The following SLC24A1 variants were observed in gnomAD, a reference collection of about 807,000 sequenced individuals.
SLC24A1 encodes the protein sodium/potassium/calcium exchanger 1.
SLC24A1 carries 52 observed loss-of-function variants against 88.1 expected under a neutral mutation model. The ratio of observed to expected loss-of-function variants is 0.59; its 90% CI spans 0.47 to 0.74. The LOEUF is 0.74. SLC24A1 is among the 30% of genes least tolerant of loss of function. The pLI is 0.00. For missense variants in SLC24A1, 1,173 were observed against 1,363.3 expected (o/e 0.86, Z 2.20); for synonymous variants, 455 against 498.0 (o/e 0.91, Z 1.15).
chr15:65,626,301 G>A (rs1422663248), intron 2 of SLC24A1, among the ~76,000 whole-genome samples: 1 of 152,222 alleles, frequency 6.6e-6, no homozygotes, highest in Non-Finnish European at 1.5e-5. Context: ...ATTTGAACTT[G>A]GGTTGGTGCG....
At position 65,650,849 on chromosome 15, in the gene SLC24A1, C is replaced by G; in HGVS notation, c.2700C>G (p.Asp900Glu). Residue 900 changes from aspartate (D) to glutamate (E), a missense_variant, in exon 7 of 10, where the codon GAC becomes GAG. Physicochemically the swap from Asp to Glu is conservative, Grantham distance 45 (BLOSUM62 2). Transcript: ENST00000261892. The surrounding 1 kb of genome is among the most constrained non-coding windows in gnomAD (Gnocchi z 4.1). ...GAAATGAAGAGCCTCTGTCCCTGGA[C>G]TGGCCTGAAACCAGGCAGAAGCAGG... ...EKGNEEPLSL[D>E]WPETRQKQAI... The G allele has an allele frequency of 6.2e-7, 1 of 1,613,884 alleles. No homozygotes were observed. The highest frequency in any genetic ancestry group is 8.5e-7 in the Non-Finnish European group (1 of 1,179,856).
At chr15:65,649,969 C>T (rs1462648389) in intron 6 of SLC24A1, among the ~76,000 whole-genome samples, 1 of 152,308 alleles carries the variant, frequency 6.6e-6, no homozygotes, top group East Asian at 1.9e-4. Flanking sequence ...AGGGAGGAGG[C>T]TCTAGGCCAT....
Position 65,654,822 on chromosome 15 carries a change from C to A in SLC24A1, c.*743C>A. 1 of 1,050,974 alleles carries A rather than the reference C, an allele frequency of 9.5e-7. No individual in the cohort carries two copies. Among genetic ancestry groups the A allele is most frequent in the Non-Finnish European group, 1.3e-6 (1 of 795,878 alleles). 65.1% of individuals were successfully genotyped at this position (1,050,974 alleles called of 1,614,324 possible). A position where few individuals can be genotyped will look rare whatever the true frequency, so the allele number is the denominator to read the frequency against. On this transcript the variant is annotated 3_prime_UTR_variant, in exon 10 of 10. Coordinates refer to ENST00000261892, the MANE Select transcript of SLC24A1 (RefSeq NM_004727.3). ...CCCGGTTCAAGCAATTCTCCTGCCT[C>A]AGCCTGAAGTCGTGATCTGCCCGCC...
downstream of SLC24A1, chr15:65,659,338 T>G (rs1308785020): frequency 2.2e-4 from 29 of 133,906 alleles, no homozygotes; most frequent in Middle Eastern, 3.3e-3. Flanking sequence ...TTTTTTTTTT[T>G]TTTTTTTTTT....
chr15:65,637,472 G>C (rs1168751773), intron 2 of SLC24A1, among the ~76,000 whole-genome samples: 2 of 152,176 alleles, frequency 1.3e-5, no homozygotes, highest in Admixed American at 1.3e-4. Context: ...GAATGGAGAT[G>C]GCATTTTAGG....
At chr15:65,636,889 A>G (rs1596325396) in intron 2 of SLC24A1, among the ~76,000 whole-genome samples, 1 of 149,868 alleles carries the variant, frequency 6.7e-6, no homozygotes. Context: ...AATAATAATA[A>G]TAATAGTAAT....
At position 65,625,191 on chromosome 15, in the gene SLC24A1, C is replaced by A. The variant is rs747598530; in HGVS notation, c.1111C>A (p.Pro371Thr). 1.2e-6 allele frequency: 2 copies of A among 1,613,918 alleles called. No homozygotes were observed. The highest frequency in any genetic ancestry group is 1.7e-6 in the Non-Finnish European group (2 of 1,179,882). ...PAIVWRLAKK[P>T]STAPSTSTTP... Reference sequence around the variant, plus strand: ...CATAGTCTGGAGGCTGGCAAAGAAACCTTCCACAGCACCCAGCACCTCAAC... The same window carrying A: ...CATAGTCTGGAGGCTGGCAAAGAAAACTTCCACAGCACCCAGCACCTCAAC... Residue 371 changes from proline to threonine, a missense_variant, in exon 2 of 10, where the codon CCT becomes ACT. Coordinates refer to ENST00000261892, the MANE Select transcript of SLC24A1 (RefSeq NM_004727.3).
intron 7 of SLC24A1, among the ~76,000 whole-genome samples, 182 bp downstream of exon 7, chr15:65,651,124 TACCA>T (rs2075489977): frequency 3.9e-5 from 6 of 152,088 alleles, no homozygotes; most frequent in Non-Finnish European, 7.4e-5. Context: ...TTAGGGGACA[TACCA>T]CTGGGACTGG....
chr15:65,658,348 T>C (rs1326487664), downstream of SLC24A1: 1 of 152,218 alleles, frequency 6.6e-6, no homozygotes, highest in East Asian at 1.9e-4. Flanking sequence ...ATGCTAACTT[T>C]AGCACGAAGG....
chr15:65,612,425 C>T (rs369522132), intron 1 of SLC24A1: 2 of 152,358 alleles, frequency 1.3e-5, no homozygotes, highest in African/African-American at 4.8e-5. Context: ...TCTGACTTCT[C>T]ACAGCTTGTT....
chr15:65,618,545 T>C (rs1053695161), upstream of SLC24A1, among the ~76,000 whole-genome samples: 1 of 152,218 alleles, frequency 6.6e-6, no homozygotes, highest in African/African-American at 2.4e-5. Context: ...GGGAAGCCAC[T>C]GGAAATTCTG....
Position 65,624,077 on chromosome 15 carries a change from C to T in SLC24A1, c.-4C>T. ...CCTTCTGTAACCAGATATAACTGGC[C>T]AGCATGGGGAAATTGATCAGGATGG... On this transcript the variant is annotated 5_prime_UTR_variant, in exon 2 of 10. Transcript: ENST00000261892. The T allele has an allele frequency of 1.3e-6, 2 of 1,572,550 alleles. No individual in the cohort carries two copies. The highest frequency in any genetic ancestry group is 1.2e-5 in the South Asian group (1 of 83,110).
Position 65,654,223 on chromosome 15 carries a change from G to A in SLC24A1, c.*144G>A, listed in dbSNP as rs541291534. ...GACCTCTGATATGAATGTGATCTGA[G>A]ACTAAAGTTTGTCCTTGGAAACACC... On this transcript the variant is annotated 3_prime_UTR_variant, in exon 10 of 10. Coordinates refer to ENST00000261892, the MANE Select transcript of SLC24A1 (RefSeq NM_004727.3). 9.0e-6 allele frequency: 13 copies of A among 1,438,024 alleles called. No individual in the cohort carries two copies. The South Asian group carries it at 1.9e-4, about 21-fold the overall frequency. The allele number at this position is 1,438,024 out of a possible 1,614,324, so 89.1% of individuals were successfully genotyped here. A position where few individuals can be genotyped will look rare whatever the true frequency, so the allele number is the denominator to read the frequency against.
At chr15:65,649,756 A>G (rs145222504) in intron 6 of SLC24A1, among the ~76,000 whole-genome samples, 2,465 of 152,346 alleles carry the variant, frequency 0.016, 32 homozygotes, top group Middle Eastern at 0.044. Flanking sequence ...ATAAGGTAAT[A>G]AAACAATTTA....
chr15:65,643,715 T>C (rs1189971217), intron 4 of SLC24A1, among the ~76,000 whole-genome samples: 3 of 152,254 alleles, frequency 2.0e-5, no homozygotes, highest in Non-Finnish European at 4.4e-5. Context: ...AGCACAATTC[T>C]GTGCATGCTG....
At chr15:65,634,740 C>CAAAAAAAAAAAAAAAAAAGAAAA (rs2074852079) in intron 2 of SLC24A1, among the ~76,000 whole-genome samples, 9 of 90,478 alleles carry the variant, frequency 9.9e-5, no homozygotes, top group East Asian at 3.0e-4. Context: ...TCAAAAGCAC[C>CAAAAAAAAAAAAAAAAAAGAAAA]AAAAAAAAAA....
rs1365409978 is a variant in SLC24A1 at position 65,644,507 on chromosome 15, C to T, written c.2134C>T (p.Pro712Ser). 5 of 1,582,142 alleles carry T rather than the reference C, an allele frequency of 3.2e-6. No individual in the cohort carries two copies. Among genetic ancestry groups the T allele is most frequent in the Middle Eastern group, 1.7e-4 (1 of 5,998 alleles). Reference protein sequence around the residue: ...AQPQAKAESKPEEEEPAKLPA... With the variant: ...AQPQAKAESKSEEEEPAKLPA... Reference sequence around the variant, plus strand: ...ACCCCAGGCCAAAGCAGAAAGCAAACCAGAAGGTGAGAGGATGGCCAGACC... The same window carrying T: ...ACCCCAGGCCAAAGCAGAAAGCAAATCAGAAGGTGAGAGGATGGCCAGACC... Residue 712 changes from proline (P) to serine (S), a missense_variant, in exon 5 of 10, where the codon CCA (proline) becomes TCA (serine). Pro to Ser is a moderately conservative substitution (Grantham distance 74). Coordinates refer to ENST00000261892, the MANE Select transcript of SLC24A1 (RefSeq NM_004727.3).
At chr15:65,651,620 C>T in intron 7 of SLC24A1, 50 bp from the exon 8 acceptor site, 1 of 963,288 alleles carries the variant, frequency 1.0e-6, no homozygotes, top group Non-Finnish European at 1.7e-6. Flanking sequence ...GGGCCAAAGA[C>T]CTTTTAACCT....
intron 4 of SLC24A1, among the ~76,000 whole-genome samples, chr15:65,640,062 C>T (rs1211500687): frequency 1.3e-5 from 2 of 152,182 alleles, no homozygotes; most frequent in Non-Finnish European, 2.9e-5. Flanking sequence ...GCCCACTGCC[C>T]AGGAGTCAGC....
Sources: gnomAD v4.1 joint callset for allele counts (sites outside exome capture counted in the v4.1 genomes callset) on GRCh38, gnomAD v4.1.1 for gene constraint, Gnocchi (gnomAD v3.1) non-coding constraint, MANE v1.5 for transcripts, NCBI Gene and HGNC (gene_info 2026-07-23, HGNC 2026-07-21) for gene names.